GALNT5: variants seen among roughly 807,000 people sequenced by gnomAD.
The protein encoded by GALNT5 is polypeptide N-acetylgalactosaminyltransferase 5, also known as UDP-GalNAc:polypeptide N-acetylgalactosaminyltransferase 5.
Under a neutral mutation model 85.4 loss-of-function variants are expected in GALNT5, and 72 were observed. The ratio of observed to expected loss-of-function variants is 0.84; its 90% CI spans 0.70 to 1.03. The LOEUF (loss-of-function observed/expected upper bound fraction) is 1.03, where lower values mean the gene tolerates loss of function less well. GALNT5 is among the 50% of genes least tolerant of loss of function. The pLI, the probability that GALNT5 is intolerant of heterozygous loss-of-function variation, is 0.00. For synonymous variants in GALNT5, 404 were observed against 397.0 expected (o/e 1.02, Z -0.21); for missense variants, 1,137 against 1,135.5 (o/e 1.00, Z -0.02).
Position 157,259,448 on chromosome 2 carries a change from G to A in GALNT5, c.1366G>A (p.Glu456Lys). 1.2e-5 allele frequency: 17 copies of A among 1,464,362 alleles called. No homozygotes were observed. The highest frequency in any genetic ancestry group is 1.4e-5 in the African/African-American group (1 of 70,716). 90.7% of individuals were successfully genotyped at this position (1,464,362 alleles called of 1,614,324 possible). The change falls in exon 1 of 10, where the codon GAA becomes AAA. Residue 456 changes from glutamate (E) to lysine (K), a missense_variant. Coordinates refer to ENST00000259056, the MANE Select transcript of GALNT5 (RefSeq NM_014568.3). ...CCCCCATGGAAAGGAGAAGGAGGCAGAAAGAAGATGGAAAGAAGGAAACTT... is the reference window on the plus strand; with the variant it reads ...CCCCCATGGAAAGGAGAAGGAGGCAAAAAGAAGATGGAAAGAAGGAAACTT... ...VVPHGKEKEA[E>K]RRWKEGNFNV...
At chr2:157,296,086 C>T (rs530873889) in intron 4 of GALNT5, among the ~76,000 whole-genome samples, 3 of 152,222 alleles carry the variant, frequency 2.0e-5, no homozygotes, top group South Asian at 4.1e-4. Context: ...TATTTATTTA[C>T]CTCAAATTTA....
At chr2:157,302,810 A>T (rs963155173) in intron 7 of GALNT5, among the ~76,000 whole-genome samples, 2 of 152,202 alleles carry the variant, frequency 1.3e-5, no homozygotes, top group Admixed American at 1.3e-4. Flanking sequence ...AAAATGCACC[A>T]AGTATTTTAA....
chr2:157,310,476 T>C (rs901835853), intron 9 of GALNT5, among the ~76,000 whole-genome samples: 3 of 152,194 alleles, frequency 2.0e-5, no homozygotes, highest in Non-Finnish European at 4.4e-5. Flanking sequence ...CAGCAATCTT[T>C]AAAATAAATT....
chr2:157,282,060 T>C (rs1682866616), intron 1 of GALNT5, among the ~76,000 whole-genome samples: 1 of 152,216 alleles, frequency 6.6e-6, no homozygotes, highest in African/African-American at 2.4e-5. Context: ...TATTCAGAAG[T>C]GCTAATGCAT....
chr2:157,270,977 G>A (rs577214232), intron 1 of GALNT5, among the ~76,000 whole-genome samples: 3 of 152,220 alleles, frequency 2.0e-5, no homozygotes, highest in East Asian at 1.9e-4. Context: ...TTAGCCAGGC[G>A]TGGTGGCAGG....
At chr2:157,297,571 GT>G (rs1204146320) in intron 5 of GALNT5, among the ~76,000 whole-genome samples, 1 of 152,236 alleles carries the variant, frequency 6.6e-6, no homozygotes, top group African/African-American at 2.4e-5. Context: ...ATACTCTCAT[GT>G]TGAGGGCCAA....
rs1683216005 is a variant in GALNT5, at chr2:157,296,459, C to CTTTGGTTGGACATCTGT, written c.1943_1944insTTTGGTTGGACATCTGT (p.Ile649LeufsTer6). ...TGGCCCATGAACTTTGGTTGGAGAACAATTCCTCCAGATGTCATTGCAAAA... is the reference window on the plus strand; with the variant it reads ...TGGCCCATGAACTTTGGTTGGAGAACTTTGGTTGGACATCTGTAATTCCTCCAGATGTCATTGCAAAA... On this transcript the variant is annotated frameshift_variant, in exon 5 of 10. Coordinates refer to ENST00000259056, the MANE Select transcript of GALNT5 (RefSeq NM_014568.3). LOFTEE classifies it high-confidence loss of function. 6.2e-7 allele frequency: 1 copy of CTTTGGTTGGACATCTGT among 1,606,304 alleles called. No individual in the cohort carries two copies. The highest frequency in any genetic ancestry group is 1.7e-5 in the Admixed American group (1 of 59,986).
Position 157,259,206 on chromosome 2 carries a change from G to C in GALNT5, c.1124G>C (p.Arg375Thr), listed in dbSNP as rs1006877452. The C allele has an allele frequency of 1.9e-6, 3 of 1,579,748 alleles. No homozygotes were observed. The highest frequency in any genetic ancestry group is 2.6e-6 in the Non-Finnish European group (3 of 1,167,806). The change falls in exon 1 of 10, where the codon AGA becomes ACA. Residue 375 changes from arginine (R) to threonine (T), a missense_variant. Coordinates refer to ENST00000259056, the MANE Select transcript of GALNT5 (RefSeq NM_014568.3). ...TCTTCCTCTTCACTTGCTCCACATAGAGTGCCACTGTCCCAAACTAACCAT... is the reference window on the plus strand; with the variant it reads ...TCTTCCTCTTCACTTGCTCCACATACAGTGCCACTGTCCCAAACTAACCAT... ...EMSSSSLAPHRVPLSQTNHAL... is the reference protein window; with the variant it reads ...EMSSSSLAPHTVPLSQTNHAL...
chr2:157,276,149 C>G (rs1010831153), intron 1 of GALNT5, among the ~76,000 whole-genome samples: 4 of 152,136 alleles, frequency 2.6e-5, no homozygotes, highest in Non-Finnish European at 2.9e-5. Context: ...GTTGAACTAG[C>G]CTTTCATCCC....
Position 157,257,914 on chromosome 2 carries a change from GT to G in GALNT5, c.-168del, listed in dbSNP as rs1157473811. The G allele has an allele frequency of 1.5e-6, 1 of 669,102 alleles. No homozygotes were observed. The highest frequency in any genetic ancestry group is 1.8e-5 in the African/African-American group (1 of 56,342). 41.4% of individuals were successfully genotyped at this position (669,102 alleles called of 1,614,324 possible). Reference sequence around the variant, plus strand: ...CCACGCAGGCAGAGACTGACAAGCGGTAGGAACTGAGCTTTCCCCTTGGACT... The same window carrying G: ...CCACGCAGGCAGAGACTGACAAGCGGAGGAACTGAGCTTTCCCCTTGGACT... On this transcript the variant is annotated 5_prime_UTR_variant, in exon 1 of 10. The change abolishes the stop of an existing upstream ORF in the 5' untranslated region. Transcript: ENST00000259056.
At chr2:157,301,284 C>T (rs1025880324) in intron 7 of GALNT5, among the ~76,000 whole-genome samples, 3 of 152,148 alleles carry the variant, frequency 2.0e-5, no homozygotes, top group African/African-American at 7.2e-5. Context: ...TTGGTTCCTT[C>T]CTTGTGGAGC....
At chr2:157,267,485 T>A (rs991813661) in intron 1 of GALNT5, among the ~76,000 whole-genome samples, 33 of 152,194 alleles carry the variant, frequency 2.2e-4, no homozygotes, top group African/African-American at 8.0e-4. Context: ...ATTTGAAAGT[T>A]TTCTAATCTA....
At chr2:157,303,347 T>C (rs1208171753) in intron 7 of GALNT5, among the ~76,000 whole-genome samples, 2 of 152,176 alleles carry the variant, frequency 1.3e-5, no homozygotes, top group Non-Finnish European at 2.9e-5. Flanking sequence ...AATGAAAGAA[T>C]CTCACCAATA....
intron 9 of GALNT5, among the ~76,000 whole-genome samples, chr2:157,309,072 G>A (rs796384208): frequency 1.3e-5 from 2 of 152,164 alleles, no homozygotes; most frequent in Admixed American, 1.3e-4. Context: ...CTTATAAGGA[G>A]AGGATATGGG....
At chr2:157,307,547 G>A (rs1487198537) in intron 8 of GALNT5, among the ~76,000 whole-genome samples, 1 of 152,158 alleles carries the variant, frequency 6.6e-6, no homozygotes, top group African/African-American at 2.4e-5. Context: ...TGGGGAGTTT[G>A]TTACACTGCA....
intron 7 of GALNT5, chr2:157,302,618 T>C (rs1194521685): frequency 6.6e-6 from 1 of 151,516 alleles, no homozygotes; most frequent in Admixed American, 6.6e-5. Context: ...ACTATTCTAA[T>C]ATTTCCCATT....
At chr2:157,284,168 C>T (rs1364833914) in intron 1 of GALNT5, 114 bp from the exon 2 acceptor site, 10 of 760,262 alleles carry the variant, frequency 1.3e-5, no homozygotes, top group Admixed American at 9.6e-5. Flanking sequence ...CCAGACAGAT[C>T]GATGACAGAT....
In GALNT5 at chr2:157,300,881, T is replaced by C. The variant is rs1349874749; in HGVS notation, c.2321T>C (p.Val774Ala). ...GDHLIDQGLDVGNLTQQRELR... is the reference protein window; with the variant it reads ...GDHLIDQGLDAGNLTQQRELR... ...CACCTCATCGACCAAGGGCTAGATG[T>C]TGGCAACCTCACCCAGCAAAGGGAG... Residue 774 changes from valine (V) to alanine (A), a missense_variant, in exon 7 of 10, where the codon GTT (valine) becomes GCT (alanine). By Grantham distance (64) the Val-to-Ala change is moderately conservative (BLOSUM62 0). Transcript: ENST00000259056. 6.2e-7 allele frequency: 1 copy of C among 1,613,952 alleles called. No individual in the cohort carries two copies. The highest frequency in any genetic ancestry group is 1.1e-5 in the South Asian group (1 of 91,074).
chr2:157,317,198 A>ATATATTT lies in GALNT5; in HGVS notation c.*5851_*5852insATATTTT, dbSNP rs1292694926. ...TGTATATATATATATATATATATAT[A>ATATATTT]TTTTTTTTTTTGATGCTTTGATCTG... is the stretch of plus-strand genomic sequence containing the variant. On this transcript the variant is annotated 3_prime_UTR_variant, in exon 10 of 10. Coordinates refer to ENST00000259056, the MANE Select transcript of GALNT5 (RefSeq NM_014568.3). Among the ~76,000 whole-genome samples, 45 of 132,976 alleles carry ATATATTT rather than the reference A, an allele frequency of 3.4e-4. No homozygotes were observed. The South Asian group carries it at 5.3e-3, about 16-fold the overall frequency. The allele number at this position is 132,976 out of a possible 152,430, so 87.2% of individuals were successfully genotyped here. A position where few individuals can be genotyped will look rare whatever the true frequency, so the allele number is the denominator to read the frequency against.
Sources: allele counts gnomAD v4.1 joint callset (sites outside exome capture counted in the v4.1 genomes callset), GRCh38; gene constraint gnomAD v4.1.1; transcripts MANE v1.5; gene names NCBI Gene and HGNC (gene_info 2026-07-23, HGNC 2026-07-21).